The following PARD3B variants were observed in gnomAD, a reference collection of about 807,000 sequenced individuals.
The protein encoded by PARD3B is par-3 family cell polarity regulator beta, also known as partitioning defective 3 homolog B.
A neutral mutation model predicts 130.2 loss-of-function variants in PARD3B; 103 were observed. The ratio of observed to expected loss-of-function variants is 0.79; its 90% CI spans 0.67 to 0.93. The LOEUF (loss-of-function observed/expected upper bound fraction) is 0.93. Ranked by LOEUF, PARD3B falls within the 40% of genes least tolerant of loss-of-function variation. PARD3B has a pLI of 0.00. For synonymous variants in PARD3B, 583 were observed against 553.2 expected (o/e 1.05, Z -0.76); for missense variants, 1,609 against 1,499.2 (o/e 1.07, Z -1.21).
chr2:205,079,070 T>C (rs2125506237), intron 4 of PARD3B, among the ~76,000 whole-genome samples: 1 of 152,286 alleles, frequency 6.6e-6, no homozygotes, highest in South Asian at 2.1e-4. Flanking sequence ...ACAAACTCTA[T>C]GAGATGTGAA....
At chr2:205,478,122 T>C (rs6705488) in intron 20 of PARD3B, among the ~76,000 whole-genome samples, 21,109 of 152,234 alleles carry the variant, frequency 0.14, 2,742 homozygotes, top group African/African-American at 0.35. Flanking sequence ...GTCCACAAAG[T>C]ATTAATTCAC....
At chr2:205,044,682 A>C (rs191046168) in intron 3 of PARD3B, among the ~76,000 whole-genome samples, 10 of 152,202 alleles carry the variant, frequency 6.6e-5, no homozygotes, top group Admixed American at 6.5e-4. Flanking sequence ...GTTTGAGTTC[A>C]TCATAGAGTC....
chr2:205,371,294 A>G lies in PARD3B; in HGVS notation c.2631-29719A>G, dbSNP rs746228439. Among the ~76,000 whole-genome samples the G allele has an allele frequency of 2.0e-3, 300 of 152,310 alleles. 2 individuals are homozygous for G. Among genetic ancestry groups the G allele is most frequent in the Non-Finnish European group, 3.7e-3 (250 of 68,016 alleles). On this transcript the variant is annotated intron_variant, in intron 18 of 22. Transcript: ENST00000406610. ...AGCCTGACATTGAGAATCTTAACAC[A>G]TCTGTATAGGAAAGTTGTATAAATA...
intron 13 of PARD3B, among the ~76,000 whole-genome samples, chr2:205,181,422 G>C (rs937097309): frequency 1.3e-5 from 2 of 152,152 alleles, no homozygotes; most frequent in Non-Finnish European, 2.9e-5. Context: ...TAGTATTATT[G>C]TCCTTAAGAA....
At chr2:205,210,919 A>G (rs1378521978) in intron 15 of PARD3B, among the ~76,000 whole-genome samples, 1 of 152,102 alleles carries the variant, frequency 6.6e-6, no homozygotes, top group Non-Finnish European at 1.5e-5. Flanking sequence ...CTCTACATTA[A>G]AGATCAAATT....
At chr2:205,329,501 C>A (rs1253921815) in intron 18 of PARD3B, among the ~76,000 whole-genome samples, 1 of 152,196 alleles carries the variant, frequency 6.6e-6, no homozygotes, top group African/African-American at 2.4e-5. Flanking sequence ...CCATGAAGAA[C>A]TCTTGCAAGG....
At chr2:205,079,932 C>G (rs1559417464) in intron 4 of PARD3B, among the ~76,000 whole-genome samples, 1 of 152,088 alleles carries the variant, frequency 6.6e-6, no homozygotes, top group Non-Finnish European at 1.5e-5. Flanking sequence ...AGAAATCAAC[C>G]ATTTTCCAGT....
chr2:205,082,398 G>A (rs187584177), intron 4 of PARD3B, among the ~76,000 whole-genome samples: 13 of 152,224 alleles, frequency 8.5e-5, no homozygotes, highest in Admixed American at 7.2e-4. Context: ...AACAATTATA[G>A]CAATGTGCTG....
chr2:205,193,077 T>C (rs986644574), intron 14 of PARD3B, 128 bp from the exon 15 acceptor site: 11 of 604,098 alleles, frequency 1.8e-5, no homozygotes, highest in South Asian at 1.4e-4. Flanking sequence ...ATTTAAGAAT[T>C]AGTTGAAAAT....
intron 4 of PARD3B, among the ~76,000 whole-genome samples, chr2:205,088,321 A>T (rs923028262): frequency 6.6e-6 from 1 of 152,218 alleles, no homozygotes; most frequent in Non-Finnish European, 1.5e-5. Context: ...ATAAATTAAG[A>T]TAAGACTAGA....
intron 1 of PARD3B, among the ~76,000 whole-genome samples, chr2:204,558,727 T>C (rs1474020694): frequency 6.6e-6 from 1 of 152,196 alleles, no homozygotes. Flanking sequence ...AGAGCCCTTA[T>C]TGCCAAGTCA....
At chr2:205,451,214 T>C (rs1275350741) in intron 20 of PARD3B, among the ~76,000 whole-genome samples, 2 of 152,220 alleles carry the variant, frequency 1.3e-5, no homozygotes, top group African/African-American at 4.8e-5. Context: ...CTAAGTTTCA[T>C]GTCCACCTTC....
Position 205,062,022 on chromosome 2 carries a change from G to T in PARD3B, c.504+14332G>T, listed in dbSNP as rs190308160. ...ATCCATCTCCTGAGGTTTTCTGGAA[G>T]CCCCCTTCCCTTGTACGCTTCTCTA... On this transcript the variant is annotated intron_variant, in intron 4 of 22. Coordinates refer to ENST00000406610, the MANE Select transcript of PARD3B (RefSeq NM_001302769.2). 7.2e-5 allele frequency among the ~76,000 whole-genome samples: 11 copies of T among 152,104 alleles called. No individual in the cohort carries two copies. In the East Asian group the frequency reaches 2.1e-3, roughly 30 times the overall value.
intron 11 of PARD3B, among the ~76,000 whole-genome samples, chr2:205,169,817 A>AT (rs1254177330): frequency 1.3e-5 from 2 of 152,132 alleles, no homozygotes; most frequent in Non-Finnish European, 2.9e-5. Context: ...TAGTAACAAG[A>AT]TTCAGCCCAA....
At chr2:205,022,489 G>GT (rs1161178927) in intron 3 of PARD3B, among the ~76,000 whole-genome samples, 2 of 152,148 alleles carry the variant, frequency 1.3e-5, no homozygotes, top group Non-Finnish European at 2.9e-5. Flanking sequence ...TTTAAATAGA[G>GT]TTTTTCCCCT....
At chr2:204,840,126 G>C (rs147256052) in intron 2 of PARD3B, among the ~76,000 whole-genome samples, 17 of 152,250 alleles carry the variant, frequency 1.1e-4, no homozygotes, top group East Asian at 9.7e-4. Flanking sequence ...GGTAGTTAAT[G>C]TAGCAGTTCA....
At chr2:205,324,230 C>A (rs1480795540) in intron 18 of PARD3B, among the ~76,000 whole-genome samples, 1 of 152,016 alleles carries the variant, frequency 6.6e-6, no homozygotes, top group Non-Finnish European at 1.5e-5. Context: ...AAAATAAATT[C>A]TTCTATTACT....
chr2:205,197,264 G>A (rs2036750190), intron 15 of PARD3B, among the ~76,000 whole-genome samples: 1 of 151,876 alleles, frequency 6.6e-6, no homozygotes, highest in East Asian at 1.9e-4. Context: ...GGCCCTTACT[G>A]GCTGATAATG....
chr2:205,551,080 T>C (rs1397021104), intron 21 of PARD3B, among the ~76,000 whole-genome samples: 1 of 150,756 alleles, frequency 6.6e-6, no homozygotes, highest in Non-Finnish European at 1.5e-5. Flanking sequence ...ACTGCTATTA[T>C]CATTATGCCA....
Sources: gnomAD v4.1 joint callset for allele counts (sites outside exome capture counted in the v4.1 genomes callset) on GRCh38, gnomAD v4.1.1 for gene constraint, MANE v1.5 for transcripts, NCBI Gene and HGNC (gene_info 2026-07-23, HGNC 2026-07-21) for gene names.